ACVR1: variants seen among roughly 807,000 people sequenced by gnomAD.
ACVR1 encodes activin receptor type-1.
In ACVR1, 38 loss-of-function variants were observed where a neutral mutation model predicts 57.1. The ratio of observed to expected loss-of-function variants is 0.67; its 90% CI spans 0.51 to 0.87. The LOEUF (loss-of-function observed/expected upper bound fraction) is 0.87, where lower values mean the gene tolerates loss of function less well. Among genes scored for constraint, ACVR1 ranks in the 40% least tolerant of loss-of-function variants. The probability of loss-of-function intolerance (pLI) is 0.00; values close to 1 mark genes in which losing one functional copy is unlikely to be tolerated. For synonymous variants in ACVR1, 212 were observed against 228.1 expected (o/e 0.93, Z 0.63); for missense variants, 463 against 638.2 (o/e 0.73, Z 2.96).
chr2:157,832,492 G>A (rs1436087386), intron 1 of ACVR1, among the ~76,000 whole-genome samples: 3 of 152,084 alleles, frequency 2.0e-5, no homozygotes, highest in African/African-American at 7.2e-5. Context: ...TGGGAAGATG[G>A]GGATGTGTCT....
rs538664220 is a variant in ACVR1, at chr2:157,800,706, A to G, written c.-7-1206T>C. ...TATGAAACTTGAGGAAGATCCTACT[A>G]CTGTTGTTGTTTTTATTATTTCCAT... On this transcript the variant is annotated intron_variant, in intron 2 of 10. Transcript: ENST00000434821. Among the ~76,000 whole-genome samples the G allele has an allele frequency of 1.4e-4, 22 of 151,978 alleles. 1 individual carries two copies. Among genetic ancestry groups the G allele is most frequent in the South Asian group, 1.0e-3 (5 of 4,810 alleles).
intron 1 of ACVR1, among the ~76,000 whole-genome samples, chr2:157,841,352 T>A (rs1688966232): frequency 6.6e-6 from 1 of 152,192 alleles, no homozygotes; most frequent in African/African-American, 2.4e-5. Context: ...TTATTTTATC[T>A]GAAGTTATAA....
intron 5 of ACVR1, among the ~76,000 whole-genome samples, chr2:157,774,655 C>T (rs1288400469): frequency 3.9e-5 from 6 of 152,214 alleles, no homozygotes; most frequent in South Asian, 2.1e-4. Flanking sequence ...TGAGCCACCA[C>T]GCCTGGCCAG....
At chr2:157,789,458 G>T (rs1431374169) in intron 3 of ACVR1, among the ~76,000 whole-genome samples, 1 of 152,208 alleles carries the variant, frequency 6.6e-6, no homozygotes, top group Non-Finnish European at 1.5e-5. Context: ...ATTCCCTCTG[G>T]CTCCTGTAGC....
intron 2 of ACVR1, among the ~76,000 whole-genome samples, chr2:157,810,009 A>G (rs974136313): frequency 6.6e-6 from 1 of 152,156 alleles, no homozygotes; most frequent in African/African-American, 2.4e-5. Context: ...CCAGGAGTTC[A>G]AGGTTACACT....
intron 9 of ACVR1, among the ~76,000 whole-genome samples, chr2:157,748,984 A>G (rs1229637704): frequency 6.6e-6 from 1 of 152,238 alleles, no homozygotes; most frequent in African/African-American, 2.4e-5. Context: ...CCAATGGGTC[A>G]CAGGAGGCTA....
intron 6 of ACVR1, among the ~76,000 whole-genome samples, chr2:157,772,571 A>G (rs908450737): frequency 6.6e-6 from 1 of 152,196 alleles, no homozygotes; most frequent in South Asian, 2.1e-4. Context: ...GTGCATTACT[A>G]TTTTGCCATT....
intron 1 of ACVR1, among the ~76,000 whole-genome samples, chr2:157,845,888 A>G (rs1396166481): frequency 6.6e-6 from 1 of 152,250 alleles, no homozygotes; most frequent in Non-Finnish European, 1.5e-5. Flanking sequence ...TAAAATGTAC[A>G]ATGTGCTGTT....
chr2:157,753,385 G>A (rs1574020952), intron 9 of ACVR1, among the ~76,000 whole-genome samples: 1 of 152,104 alleles, frequency 6.6e-6, no homozygotes, highest in African/African-American at 2.4e-5. Flanking sequence ...AAAATTAGCT[G>A]GGTGTGGTGG....
chr2:157,836,672 A>G (rs1174343770), intron 1 of ACVR1, among the ~76,000 whole-genome samples: 1 of 152,160 alleles, frequency 6.6e-6, no homozygotes, highest in Admixed American at 6.6e-5. Context: ...TGACAGCAGA[A>G]GGACTTTGTC....
chr2:157,856,698 C>T (rs1473732358), intron 1 of ACVR1, among the ~76,000 whole-genome samples: 2 of 152,084 alleles, frequency 1.3e-5, no homozygotes, highest in Non-Finnish European at 2.9e-5. Context: ...GAGGTTTGGG[C>T]CGCTTCCACT....
chr2:157,864,277 T>A (rs559230252), intron 1 of ACVR1, among the ~76,000 whole-genome samples: 24 of 152,028 alleles, frequency 1.6e-4, no homozygotes, highest in Admixed American at 4.6e-4. Flanking sequence ...AGTGGCATAA[T>A]CATGGCTCAC....
chr2:157,838,378 C>T (rs1230190094), intron 1 of ACVR1: 4 of 152,120 alleles, frequency 2.6e-5, no homozygotes, highest in African/African-American at 9.7e-5. Context: ...TGACAAGTTG[C>T]TTATTGGTAC....
At chr2:157,779,490 T>G (rs904518176) in intron 4 of ACVR1, among the ~76,000 whole-genome samples, 1 of 152,234 alleles carries the variant, frequency 6.6e-6, no homozygotes, top group Non-Finnish European at 1.5e-5. Flanking sequence ...TGCATCAGCT[T>G]TTTTGTTCTT....
At chr2:157,759,944 T>C (rs1200950064) in intron 9 of ACVR1, among the ~76,000 whole-genome samples, 5 of 152,036 alleles carry the variant, frequency 3.3e-5, no homozygotes, top group African/African-American at 1.2e-4. Flanking sequence ...ATATACATAC[T>C]TCAACATAAT....
At chr2:157,850,873 C>T (rs1474294589) in intron 1 of ACVR1, among the ~76,000 whole-genome samples, 4 of 152,076 alleles carry the variant, frequency 2.6e-5, no homozygotes, top group South Asian at 2.1e-4. Flanking sequence ...AGGAGAATTG[C>T]TTGAACCTGG....
At chr2:157,802,442 A>G (rs2105309558) in intron 2 of ACVR1, among the ~76,000 whole-genome samples, 1 of 151,948 alleles carries the variant, frequency 6.6e-6, no homozygotes, top group Middle Eastern at 3.4e-3. Flanking sequence ...GAGGTAAGGC[A>G]CTCTAGGCAC....
chr2:157,805,277 C>T (rs7561419), intron 2 of ACVR1, among the ~76,000 whole-genome samples: 11,656 of 152,214 alleles, frequency 0.077, 1,572 homozygotes, highest in African/African-American at 0.27. Context: ...CATTCTTCAA[C>T]ACATACTTTA....
chr2:157,861,344 T>C (rs1371002917), intron 1 of ACVR1, among the ~76,000 whole-genome samples: 1 of 152,194 alleles, frequency 6.6e-6, no homozygotes, highest in Non-Finnish European at 1.5e-5. Context: ...ATATGTGAAC[T>C]TTGTTGAAGG....
Sources: allele counts gnomAD v4.1 joint callset (sites outside exome capture counted in the v4.1 genomes callset), GRCh38; gene constraint gnomAD v4.1.1; transcripts MANE v1.5; gene names NCBI Gene and HGNC (gene_info 2026-07-23, HGNC 2026-07-21).